Variants in CLNK observed in about 807,000 individuals in gnomAD.
CLNK encodes the protein cytokine-dependent hematopoietic cell linker.
A neutral mutation model predicts 68.6 loss-of-function variants in CLNK; 74 were observed. The ratio of observed to expected loss-of-function variants is 1.08; its 90% CI spans 0.89 to 1.31. The LOEUF is 1.31. CLNK is among the 50% of genes most tolerant of loss of function. The pLI is 0.00. For missense variants in CLNK, 553 were observed against 515.3 expected, an observed-to-expected ratio of 1.07 and a Z score of -0.71; for synonymous variants, 198 against 172.2, an observed-to-expected ratio of 1.15 and a Z score of -1.17.
chr4:10,652,565 G>A (rs1055611834), intron 2 of CLNK, among the ~76,000 whole-genome samples: 10 of 151,956 alleles, frequency 6.6e-5, no homozygotes, highest in Admixed American at 5.9e-4. Flanking sequence ...ATTAATGGCA[G>A]GCAAAATAAA....
At chr4:10,591,454 T>A (rs1466397933) in intron 3 of CLNK, among the ~76,000 whole-genome samples, 1 of 152,182 alleles carries the variant, frequency 6.6e-6, no homozygotes, top group Non-Finnish European at 1.5e-5. Context: ...GGAGGTCTGG[T>A]GCCTAACACA....
chr4:10,538,040 A>C (rs1404938206), intron 11 of CLNK, among the ~76,000 whole-genome samples: 1 of 152,092 alleles, frequency 6.6e-6, no homozygotes, highest in Non-Finnish European at 1.5e-5. Context: ...TCTTTCCAGC[A>C]TGAGGAAACA....
At chr4:10,580,295 A>G (rs576347961) in intron 4 of CLNK, among the ~76,000 whole-genome samples, 80 of 152,322 alleles carry the variant, frequency 5.3e-4, no homozygotes, top group African/African-American at 1.9e-3. Flanking sequence ...AGCACATACA[A>G]TTATGTACAG....
At chr4:10,724,248 A>T in the CLNK span, among the ~76,000 whole-genome samples, 4 of 152,022 alleles carry the variant, frequency 2.6e-5, no homozygotes, top group African/African-American at 4.8e-5. Flanking sequence ...TCTGCCCAGG[A>T]TGCTTTCTGC....
intron 8 of CLNK, among the ~76,000 whole-genome samples, chr4:10,554,259 C>T (rs766184927): frequency 5.3e-5 from 8 of 152,248 alleles, no homozygotes; most frequent in Middle Eastern, 3.4e-3. Context: ...TTTCATTATG[C>T]GTGTATTTCA....
At chr4:10,568,754 G>T (rs564904783) in intron 5 of CLNK, among the ~76,000 whole-genome samples, 42 of 152,282 alleles carry the variant, frequency 2.8e-4, no homozygotes, top group African/African-American at 9.4e-4. Context: ...GCCCCTGGAG[G>T]AGAATGCAGC....
chr4:10,691,067 A>G, the CLNK span, among the ~76,000 whole-genome samples: 2 of 152,158 alleles, frequency 1.3e-5, no homozygotes, highest in Non-Finnish European at 2.9e-5. Flanking sequence ...GTAATGAAAA[A>G]GACCCAGCCA....
chr4:10,612,701 G>A (rs964551518), intron 2 of CLNK, among the ~76,000 whole-genome samples: 22 of 152,242 alleles, frequency 1.4e-4, no homozygotes, highest in African/African-American at 5.1e-4. Flanking sequence ...TGAGCTCTGG[G>A]GTGTGGCAGA....
At chr4:10,627,822 C>T (rs1401988447) in intron 2 of CLNK, among the ~76,000 whole-genome samples, 1 of 152,218 alleles carries the variant, frequency 6.6e-6, no homozygotes, top group African/African-American at 2.4e-5. Flanking sequence ...CTGAGCCCCT[C>T]ACCTCTGGGC....
intron 2 of CLNK, among the ~76,000 whole-genome samples, chr4:10,632,583 C>T (rs757169005): frequency 1.3e-5 from 2 of 152,198 alleles, no homozygotes; most frequent in Non-Finnish European, 2.9e-5. Context: ...TCATTGTACC[C>T]CTAGGTCTAG....
intron 4 of CLNK, among the ~76,000 whole-genome samples, chr4:10,578,837 G>T (rs1235831203): frequency 6.6e-6 from 1 of 152,058 alleles, no homozygotes; most frequent in African/African-American, 2.4e-5. Context: ...CTCCCAAACT[G>T]CTGGCATTAC....
chr4:10,558,185 G>A (rs182165185), intron 8 of CLNK, among the ~76,000 whole-genome samples: 66 of 152,106 alleles, frequency 4.3e-4, no homozygotes, highest in Middle Eastern at 3.4e-3. Flanking sequence ...CAAAGAATAC[G>A]AATTTTTACA....
chr4:10,647,831 C>T (rs559311987), intron 2 of CLNK, among the ~76,000 whole-genome samples: 29 of 152,152 alleles, frequency 1.9e-4, no homozygotes, highest in African/African-American at 5.1e-4. Context: ...TATGCAAGAC[C>T]GATAAACATA....
At chr4:10,583,036 C>T (rs1009334111) in intron 4 of CLNK, among the ~76,000 whole-genome samples, 3 of 152,170 alleles carry the variant, frequency 2.0e-5, no homozygotes, top group African/African-American at 4.8e-5. Flanking sequence ...AGTATTTTCT[C>T]GCATGAACGC....
chr4:10,551,848 A>AT (rs201336299), intron 8 of CLNK, among the ~76,000 whole-genome samples: 3,252 of 140,622 alleles, frequency 0.023, 83 homozygotes, highest in East Asian at 0.058. Flanking sequence ...GAGAATTGTA[A>AT]TTTTTTTTTT....
At chr4:10,655,784 G>C (rs957559513) in intron 2 of CLNK, among the ~76,000 whole-genome samples, 1 of 151,200 alleles carries the variant, frequency 6.6e-6, no homozygotes, top group Non-Finnish European at 1.5e-5. Flanking sequence ...TGAGTAGCTC[G>C]GACTACAGGC....
At chr4:10,693,969 G>A in the CLNK span, among the ~76,000 whole-genome samples, 4 of 152,018 alleles carry the variant, frequency 2.6e-5, no homozygotes, top group Admixed American at 2.6e-4. Context: ...TGTTTAAATA[G>A]CACTTGAGAT....
At chr4:10,628,020 G>T (rs564338179) in intron 2 of CLNK, among the ~76,000 whole-genome samples, 2 of 152,190 alleles carry the variant, frequency 1.3e-5, no homozygotes, top group African/African-American at 4.8e-5. Flanking sequence ...TAGTGAGACC[G>T]CCACCTCTCA....
At chr4:10,610,059 T>C (rs1560240574) in intron 2 of CLNK, among the ~76,000 whole-genome samples, 1 of 98,648 alleles carries the variant, frequency 1.0e-5, no homozygotes, top group African/African-American at 3.9e-5. Flanking sequence ...TTTTTTTTTT[T>C]TTTTTTTTTT....
Sources: allele counts gnomAD v4.1 joint callset (sites outside exome capture counted in the v4.1 genomes callset), GRCh38; gene constraint gnomAD v4.1.1; transcripts MANE v1.5; gene names NCBI Gene and HGNC (gene_info 2026-07-23, HGNC 2026-07-21).